MMP17: variants seen among roughly 807,000 people sequenced by gnomAD.
MMP17 encodes the protein matrix metallopeptidase 17, also known as matrix metalloproteinase-17.
Under a neutral mutation model 49.1 loss-of-function variants are expected in MMP17, and 54 were observed. That is an observed-to-expected ratio of 1.10 (90% confidence interval 0.88 to 1.38). MMP17 has a LOEUF of 1.38. Among genes scored for constraint, MMP17 ranks in the 40% most tolerant of loss-of-function variants. MMP17 has a pLI of 0.00. For synonymous variants in MMP17, 397 were observed against 383.1 expected (o/e 1.04, Z -0.42); for missense variants, 837 against 853.7 (o/e 0.98, Z 0.24).
rs945448631 is a variant in MMP17 at position 131,846,042 on chromosome 12, G to C, written c.1204+593G>C. Among the ~76,000 whole-genome samples the C allele has an allele frequency of 2.0e-5, 3 of 152,164 alleles. No homozygotes were observed. Among genetic ancestry groups the C allele is most frequent in the African/African-American group, 7.2e-5 (3 of 41,454 alleles). On this transcript the variant is annotated intron_variant, in intron 8 of 9. Coordinates refer to ENST00000360564, the MANE Select transcript of MMP17 (RefSeq NM_016155.7). This position sits in a 1 kb window ranked among gnomAD's most constrained non-coding sequence, Gnocchi z 4.6. ...CAGTGTTACAGGAAGCACTCCTTTT[G>C]CCTCCAAGTCTCCGGGAAGGGCAGG...
chr12:131,850,498 C>A (rs1045412116), intron 9 of MMP17, among the ~76,000 whole-genome samples: 11 of 152,214 alleles, frequency 7.2e-5, no homozygotes, highest in African/African-American at 2.7e-4. Flanking sequence ...ACGGCAGCAT[C>A]CTCTGTTTTG....
chr12:131,845,843 G>A lies in MMP17; in HGVS notation c.1204+394G>A, dbSNP rs192586370. ...CAGTGTTCCAGCCCGGGGAACGGCC[G>A]TGCGAGGCAGGAGCAGCCCTGCCGA... is the stretch of plus-strand genomic sequence containing the variant. On this transcript the variant is annotated intron_variant, in intron 8 of 9. Transcript: ENST00000360564. Among the ~76,000 whole-genome samples the A allele has an allele frequency of 1.6e-4, 24 of 152,274 alleles. No individual in the cohort carries two copies. The East Asian group carries it at 1.9e-3, about 12-fold the overall frequency.
At position 131,845,327 on chromosome 12, in the gene MMP17, G is replaced by C. The variant is rs781344733; in HGVS notation, c.1082G>C (p.Arg361Pro). Residue 361 changes from arginine (R) to proline (P), a missense_variant, in exon 8 of 10, where the codon CGG becomes CCG. Coordinates refer to ENST00000360564, the MANE Select transcript of MMP17 (RefSeq NM_016155.7). ...GKYFWRLTRD[R>P]HLVSLQPAQM... Reference sequence around the variant, plus strand: ...TACTTCTGGCGGCTGACGCGGGACCGGCACCTGGTGTCCCTGCAGCCGGCA... The same window carrying C: ...TACTTCTGGCGGCTGACGCGGGACCCGCACCTGGTGTCCCTGCAGCCGGCA... 3 of 1,605,172 alleles carry C rather than the reference G, an allele frequency of 1.9e-6. No homozygotes were observed. Among genetic ancestry groups the C allele is most frequent in the Non-Finnish European group, 1.7e-6 (2 of 1,175,274 alleles).
chr12:131,838,324 CT>C lies in MMP17; in HGVS notation c.290del (p.Leu97ArgfsTer8), dbSNP rs764735196. Reference protein sequence around the residue: ...QFGGLEATGILDEATLALMKT... With the variant: ...QFGGLEATGIXDEATLALMKT... ...TGGTGGCCTGGAGGCCACCGGCATC[CT>C]GGGTCAGTTCTCCAGGGGGCAGCGG... On this transcript the variant is annotated frameshift_variant and splice_region_variant, in exon 2 of 10. Coordinates refer to ENST00000360564, the MANE Select transcript of MMP17 (RefSeq NM_016155.7). The C allele has an allele frequency of 6.2e-7, 1 of 1,612,768 alleles. No homozygotes were observed. Among genetic ancestry groups the C allele is most frequent in the East Asian group, 2.2e-5 (1 of 44,852 alleles).
At chr12:131,833,623 C>T (rs567915186) in intron 1 of MMP17, among the ~76,000 whole-genome samples, 24 of 152,358 alleles carry the variant, frequency 1.6e-4, no homozygotes, top group African/African-American at 5.5e-4. Flanking sequence ...GCTGTGTGAC[C>T]GTGGACAGGT....
Position 131,844,032 on chromosome 12 carries a change from G to T in MMP17, c.919G>T (p.Glu307Ter). 1 of 1,570,128 alleles carries T rather than the reference G, an allele frequency of 6.4e-7. No homozygotes were observed. Among genetic ancestry groups the T allele is most frequent in the South Asian group, 1.2e-5 (1 of 85,882 alleles). ...RESVSPTAQP[E>*]EPPLLPEPPD... ...GTCTGTGTCTCCCACGGCGCAGCCC[G>T]AGGAGCCTCCCCTGCTGCCGGAGCC... The change falls in exon 6 of 10, where the codon GAG (glutamate) becomes TAG (stop). Residue 307 changes from glutamate (E) to a stop codon, truncating the protein, a stop_gained. Coordinates refer to ENST00000360564, the MANE Select transcript of MMP17 (RefSeq NM_016155.7). LOFTEE classifies it high-confidence loss of function.
At position 131,844,024 on chromosome 12, in the gene MMP17, C is replaced by A. The variant is rs747768100; in HGVS notation, c.911C>A (p.Ala304Glu). 5.7e-6 allele frequency: 9 copies of A among 1,568,696 alleles called. No individual in the cohort carries two copies. Among genetic ancestry groups the A allele is most frequent in the Non-Finnish European group, 6.0e-6 (7 of 1,159,064 alleles). The change falls in exon 6 of 10, where the codon GCG becomes GAG. Residue 304 changes from alanine to glutamate, a missense_variant. Coordinates refer to ENST00000360564, the MANE Select transcript of MMP17 (RefSeq NM_016155.7). ...GTGCGGGAGTCTGTGTCTCCCACGG[C>A]GCAGCCCGAGGAGCCTCCCCTGCTG... The part of the protein sequence containing the change: ...YGVRESVSPT[A>E]QPEEPPLLPE...
Position 131,851,064 on chromosome 12 carries a change from G to A in MMP17, c.1602G>A (p.Ala534=), listed in dbSNP as rs186856639. The A allele has an allele frequency of 1.6e-4, 252 of 1,607,996 alleles. 1 individual carries two copies. The East Asian group carries it at 3.8e-3, about 24-fold the overall frequency. ...CACAGGCCGATGGATCTGTGGCTGC[G>A]GGCGTGGACGCGGCAGAGGGGCCCC... ...GDSQADGSVA[A]GVDAAEGPRA... is the part of the protein sequence containing the mutation. Residue 534 remains alanine (A), a synonymous_variant, in exon 10 of 10, where the codon GCG becomes GCA. Transcript: ENST00000360564.
At position 131,845,412 on chromosome 12, in the gene MMP17, C is replaced by T. The variant is rs746323549; in HGVS notation, c.1167C>T (p.Tyr389=). The T allele has an allele frequency of 1.2e-5, 19 of 1,583,690 alleles. No homozygotes were observed. Among genetic ancestry groups the T allele is most frequent in the Non-Finnish European group, 1.5e-5 (17 of 1,166,956 alleles). Residue 389 remains tyrosine (Y), a synonymous_variant, in exon 8 of 10, where the codon TAC becomes TAT. Coordinates refer to ENST00000360564, the MANE Select transcript of MMP17 (RefSeq NM_016155.7). ...ACCTGGACAGCGTGGACGCCGTGTA[C>T]GAGCGCACCAGCGACCACAAGATCG... is the stretch of plus-strand genomic sequence containing the variant. ...PLHLDSVDAV[Y]ERTSDHKIVF...
chr12:131,832,558 C>T lies in MMP17; in HGVS notation c.159+3905C>T, dbSNP rs373042652. Among the ~76,000 whole-genome samples the T allele has an allele frequency of 2.3e-4, 35 of 152,156 alleles. 1 individual carries two copies. Among genetic ancestry groups the T allele is most frequent in the Middle Eastern group, 6.8e-3 (2 of 294 alleles). On this transcript the variant is annotated intron_variant, in intron 1 of 9. Transcript: ENST00000360564. ...CTGTGGACGCAGGGCAGGTGTCAGA[C>T]GCATGCAGGGCGGCGTTTCTGTCAC...
At chr12:131,843,913 C>A in intron 5 of MMP17, 84 bp from the exon 6 acceptor site, 1 of 1,031,238 alleles carries the variant, frequency 9.7e-7, no homozygotes, top group Non-Finnish European at 1.4e-6. Context: ...TCGGTTTCAT[C>A]CCTGGGATTC....
In MMP17 at chr12:131,850,010, G is replaced by A. The variant is rs1378490966; in HGVS notation, c.1413G>A (p.Leu471=). The A allele has an allele frequency of 6.2e-7, 1 of 1,613,328 alleles. No homozygotes were observed. Among genetic ancestry groups the A allele is most frequent in the East Asian group, 2.2e-5 (1 of 44,888 alleles). The change falls in exon 9 of 10, where the codon CTG becomes CTA. Residue 471 remains leucine (L), a synonymous_variant. Coordinates refer to ENST00000360564, the MANE Select transcript of MMP17 (RefSeq NM_016155.7). ...CCGGCTACCCCGCCCAGAGCCCCCT[G>A]TGGAGGGGTGTCCCCAGCACGCTGG... is the stretch of plus-strand genomic sequence containing the variant. ...MDPGYPAQSP[L]WRGVPSTLDD...
chr12:131,838,640 C>A lies in MMP17; in HGVS notation c.321C>A (p.Thr107=), dbSNP rs1887210474. The change falls in exon 3 of 10, where the codon ACC becomes ACA. Residue 107 remains threonine, a synonymous_variant. Coordinates refer to ENST00000360564, the MANE Select transcript of MMP17 (RefSeq NM_016155.7). ...LDEATLALMK[T]PRCSLPDLPV... ...AGGCCACCCTGGCCCTGATGAAAAC[C>A]CCACGCTGCTCCCTGCCAGACCTCC... 1.9e-6 allele frequency: 3 copies of A among 1,611,338 alleles called. No individual in the cohort carries two copies. The highest frequency in any genetic ancestry group is 2.5e-6 in the Non-Finnish European group (3 of 1,179,752).
chr12:131,844,114 G>A (rs1193922499), intron 6 of MMP17, 33 bp downstream of exon 6: 2 of 1,514,512 alleles, frequency 1.3e-6, no homozygotes, highest in Non-Finnish European at 1.8e-6. Context: ...CCACCCGCTG[G>A]GGTCTGTCTG....
Position 131,841,938 on chromosome 12 carries a change from C to T in MMP17, c.883+138C>T, listed in dbSNP as rs751931962. The T allele has an allele frequency of 9.4e-5, 93 of 987,592 alleles. 1 individual carries two copies. The highest frequency in any genetic ancestry group is 6.6e-4 in the Middle Eastern group (2 of 3,010). 61.2% of individuals were successfully genotyped at this position (987,592 alleles called of 1,614,324 possible). On this transcript the variant is annotated intron_variant, in intron 5 of 9. Transcript: ENST00000360564. Reference sequence around the variant, plus strand: ...ACGGATGGTGCCGTGCCAGCTGGGACGCTCTGGCCTGTCCACAGAGCCCAC... The same window carrying T: ...ACGGATGGTGCCGTGCCAGCTGGGATGCTCTGGCCTGTCCACAGAGCCCAC...
At position 131,828,625 on chromosome 12, in the gene MMP17, C is replaced by A; in HGVS notation, c.131C>A (p.Pro44Gln). 2 of 790,262 alleles carry A rather than the reference C, an allele frequency of 2.5e-6. No individual in the cohort carries two copies. Among genetic ancestry groups the A allele is most frequent in the Non-Finnish European group, 3.2e-6 (2 of 631,146 alleles). 49.0% of individuals were successfully genotyped at this position (790,262 alleles called of 1,614,324 possible). ...GGCTGCGCCGCGCCCGCACCCGCGC[C>A]GCGCGCCGAGGACCTCAGCCTGGGA... ...RGGCAAPAPA[P>Q]RAEDLSLGVE... The change falls in exon 1 of 10, where the codon CCG (proline) becomes CAG (glutamine). Residue 44 changes from proline to glutamine, a missense_variant. Coordinates refer to ENST00000360564, the MANE Select transcript of MMP17 (RefSeq NM_016155.7).
intron 5 of MMP17, 130 bp downstream of exon 5, chr12:131,841,930 A>G (rs1320988598): frequency 1.9e-6 from 2 of 1,070,520 alleles, no homozygotes; most frequent in Admixed American, 5.3e-5. Context: ...GTGCCGTGCC[A>G]GCTGGGACGC....
chr12:131,850,028 C>A lies in MMP17; in HGVS notation c.1431C>A (p.Ser477Arg), dbSNP rs1256546985. Reference sequence around the variant, plus strand: ...GCCCCCTGTGGAGGGGTGTCCCCAGCACGCTGGACGACGCCATGCGCTGGT... The same window carrying A: ...GCCCCCTGTGGAGGGGTGTCCCCAGAACGCTGGACGACGCCATGCGCTGGT... Reference protein sequence around the residue: ...AQSPLWRGVPSTLDDAMRWSD... With the variant: ...AQSPLWRGVPRTLDDAMRWSD... Residue 477 changes from serine to arginine, a missense_variant, in exon 9 of 10, where the codon AGC becomes AGA. Coordinates refer to ENST00000360564, the MANE Select transcript of MMP17 (RefSeq NM_016155.7). The A allele has an allele frequency of 1.2e-5, 20 of 1,612,906 alleles. No individual in the cohort carries two copies. Among genetic ancestry groups the A allele is most frequent in the Non-Finnish European group, 1.6e-5 (19 of 1,179,798 alleles).
intron 1 of MMP17, among the ~76,000 whole-genome samples, chr12:131,834,362 G>T (rs554999897): frequency 6.6e-6 from 1 of 151,518 alleles, no homozygotes; most frequent in Admixed American, 6.6e-5. Context: ...GCACCCGCCC[G>T]CCACAGCCTC....
Sources: gnomAD v4.1 joint callset for allele counts (sites outside exome capture counted in the v4.1 genomes callset) on GRCh38, gnomAD v4.1.1 for gene constraint, Gnocchi (gnomAD v3.1) non-coding constraint, MANE v1.5 for transcripts, NCBI Gene and HGNC (gene_info 2026-07-23, HGNC 2026-07-21) for gene names.